Variants in TMEM117 observed in about 807,000 individuals in gnomAD.
TMEM117 encodes the protein transmembrane protein 117.
Under a neutral mutation model 52.4 loss-of-function variants are expected in TMEM117, and 27 were observed. The observed-to-expected ratio is 0.51, with a 90% CI of 0.38 to 0.71. The LOEUF (loss-of-function observed/expected upper bound fraction) is 0.71, where lower values mean the gene tolerates loss of function less well. Among genes scored for constraint, TMEM117 ranks in the 30% least tolerant of loss-of-function variants. The pLI is 0.00. For synonymous variants in TMEM117, 215 were observed against 206.3 expected, an observed-to-expected ratio of 1.04 and a Z score of -0.36; for missense variants, 556 against 630.5, an observed-to-expected ratio of 0.88 and a Z score of 1.26.
intron 5 of TMEM117, among the ~76,000 whole-genome samples, chr12:44,277,657 A>G (rs1019203988): frequency 1.3e-5 from 2 of 151,814 alleles, no homozygotes; most frequent in Non-Finnish European, 2.9e-5. Flanking sequence ...GTCAGCTCCC[A>G]GAGTCACTCT....
intron 5 of TMEM117, among the ~76,000 whole-genome samples, chr12:44,230,214 G>A (rs551721819): frequency 1.3e-5 from 2 of 152,196 alleles, no homozygotes; most frequent in Non-Finnish European, 2.9e-5. Context: ...TGAATATTAT[G>A]TAGTCAGTCA....
intron 3 of TMEM117, among the ~76,000 whole-genome samples, chr12:43,959,026 C>T (rs1361579050): frequency 6.6e-6 from 1 of 152,116 alleles, no homozygotes; most frequent in East Asian, 1.9e-4. Context: ...CCAGGATGGT[C>T]TTGATCTCCT....
chr12:44,104,876 AT>A (rs1947925713), intron 3 of TMEM117, among the ~76,000 whole-genome samples: 1 of 151,706 alleles, frequency 6.6e-6, no homozygotes. Flanking sequence ...TAGGTAAGGT[AT>A]TTTTTTCCCC....
At chr12:43,988,930 T>C (rs1372706402) in intron 3 of TMEM117, among the ~76,000 whole-genome samples, 3 of 152,100 alleles carry the variant, frequency 2.0e-5, no homozygotes, top group Admixed American at 2.0e-4. Context: ...AAGTTGTAGA[T>C]AGGAAATAGC....
At chr12:44,124,196 T>A (rs914748080) in intron 3 of TMEM117, among the ~76,000 whole-genome samples, 1 of 152,208 alleles carries the variant, frequency 6.6e-6, no homozygotes, top group African/African-American at 2.4e-5. Flanking sequence ...GTGATTCAGC[T>A]TTCCACTACC....
At chr12:43,886,883 T>C (rs936752040) in intron 2 of TMEM117, among the ~76,000 whole-genome samples, 2 of 152,130 alleles carry the variant, frequency 1.3e-5, no homozygotes, top group African/African-American at 4.8e-5. Flanking sequence ...AGTCTCTCTC[T>C]CTTGTCTAGA....
At chr12:43,998,294 C>T (rs1413106993) in intron 3 of TMEM117, among the ~76,000 whole-genome samples, 2 of 152,166 alleles carry the variant, frequency 1.3e-5, no homozygotes, top group Admixed American at 1.3e-4. Flanking sequence ...GGGCTCCAGC[C>T]AAGAATATAA....
chr12:44,291,553 T>C (rs1382443004), intron 5 of TMEM117, among the ~76,000 whole-genome samples: 2 of 151,934 alleles, frequency 1.3e-5, no homozygotes, highest in Non-Finnish European at 2.9e-5. Flanking sequence ...ATGATGAGGG[T>C]GGGCATCTTT....
At position 44,388,148 on chromosome 12, in the gene TMEM117, T is replaced by C. The variant is rs1055655266; in HGVS notation, c.1021T>C (p.Tyr341His). 5.0e-6 allele frequency: 8 copies of C among 1,613,264 alleles called. No individual in the cohort carries two copies. Among genetic ancestry groups the C allele is most frequent in the Non-Finnish European group, 6.8e-6 (8 of 1,179,572 alleles). The change falls in exon 8 of 8, where the codon TAT (tyrosine) becomes CAT (histidine). Residue 341 changes from tyrosine (Y) to histidine (H), a missense_variant. Tyr to His is a moderately conservative substitution (Grantham distance 83). Coordinates refer to ENST00000266534, the MANE Select transcript of TMEM117 (RefSeq NM_032256.3). Reference sequence around the variant, plus strand: ...ATATATCGGCCCGGGGCAGAAGATATATACAGTGAAAGACTCAGAAAGTTT... The same window carrying C: ...ATATATCGGCCCGGGGCAGAAGATACATACAGTGAAAGACTCAGAAAGTTT... ...GQYIGPGQKI[Y>H]TVKDSESLKD...
At chr12:43,932,646 T>C (rs1381243414) in intron 2 of TMEM117, among the ~76,000 whole-genome samples, 1 of 152,210 alleles carries the variant, frequency 6.6e-6, no homozygotes, top group East Asian at 1.9e-4. Context: ...CATTTATTAA[T>C]CAAAGGAGTT....
In TMEM117 at chr12:44,371,731, C is replaced by T. The variant is rs553849676; in HGVS notation, c.769-4864C>T. 2.2e-3 allele frequency among the ~76,000 whole-genome samples: 329 copies of T among 152,214 alleles called. 2 individuals carry two copies. Among genetic ancestry groups the T allele is most frequent in the African/African-American group, 7.4e-3 (306 of 41,544 alleles). Reference sequence around the variant, plus strand: ...TTTTCCTTGACCCTGAGGCATGGGTCTCAATGAGAAAACATAGGGAAATTA... The same window carrying T: ...TTTTCCTTGACCCTGAGGCATGGGTTTCAATGAGAAAACATAGGGAAATTA... On this transcript the variant is annotated intron_variant, in intron 6 of 7. Coordinates refer to ENST00000266534, the MANE Select transcript of TMEM117 (RefSeq NM_032256.3).
At position 44,201,480 on chromosome 12, in the gene TMEM117, C is replaced by T. The variant is rs559098438; in HGVS notation, c.511-9810C>T. ...AAAGACTGAACAGAACAAAGGAAAA[C>T]TTGAATTCTTAGATTGAAAGGGCAA... On this transcript the variant is annotated intron_variant, in intron 4 of 7. Coordinates refer to ENST00000266534, the MANE Select transcript of TMEM117 (RefSeq NM_032256.3). Among the ~76,000 whole-genome samples the T allele has an allele frequency of 3.2e-4, 49 of 152,196 alleles. No homozygotes were observed. In the South Asian group the frequency reaches 9.9e-3, roughly 31 times the overall value.
At chr12:44,321,590 G>A (rs543292543) in intron 6 of TMEM117, among the ~76,000 whole-genome samples, 8 of 152,278 alleles carry the variant, frequency 5.3e-5, no homozygotes, top group African/African-American at 1.7e-4. Context: ...TGAATCTGGT[G>A]ACTCCCACCC....
the TMEM117 span, chr12:43,805,695 A>G: frequency 5.7e-6 from 5 of 881,216 alleles, no homozygotes; most frequent in East Asian, 2.9e-4. Flanking sequence ...CATAACTCTC[A>G]TTTTCCTATT....
At chr12:44,036,187 C>T (rs1357632997) in intron 3 of TMEM117, among the ~76,000 whole-genome samples, 1 of 152,036 alleles carries the variant, frequency 6.6e-6, no homozygotes, top group Admixed American at 6.5e-5. Context: ...ATACATTATC[C>T]TTTTTAACAA....
At chr12:44,211,884 T>C (rs1949650445) in intron 5 of TMEM117, among the ~76,000 whole-genome samples, 1 of 152,230 alleles carries the variant, frequency 6.6e-6, no homozygotes, top group Admixed American at 6.5e-5. Flanking sequence ...TATGGAACTT[T>C]GTTTTTTGTG....
At chr12:43,868,190 AC>A (rs550874129) in intron 2 of TMEM117, among the ~76,000 whole-genome samples, 836 of 67,656 alleles carry the variant, frequency 0.012, 5 homozygotes, top group Non-Finnish European at 0.02. Context: ...CTCTCCCTCC[AC>A]CCAACCCCCG....
chr12:44,154,737 T>G (rs1475579429), intron 4 of TMEM117, among the ~76,000 whole-genome samples: 1 of 151,538 alleles, frequency 6.6e-6, no homozygotes. Flanking sequence ...AGTGAACCAG[T>G]TTTCCCCCAA....
intron 6 of TMEM117, among the ~76,000 whole-genome samples, chr12:44,326,902 CCTT>C (rs759254130): frequency 3.9e-5 from 6 of 152,318 alleles, no homozygotes; most frequent in Non-Finnish European, 7.4e-5. Flanking sequence ...ACTGAAGCCT[CCTT>C]CTTTCTAGCC....
Sources: allele counts gnomAD v4.1 joint callset (sites outside exome capture counted in the v4.1 genomes callset), GRCh38; gene constraint gnomAD v4.1.1; transcripts MANE v1.5; gene names NCBI Gene and HGNC (gene_info 2026-07-23, HGNC 2026-07-21).